Variants in SPON1 observed in about 807,000 individuals in gnomAD.
SPON1 encodes spondin 1.
In SPON1, 52 loss-of-function variants were observed where a neutral mutation model predicts 111.7. That is an observed-to-expected ratio of 0.47 (90% CI 0.37 to 0.59). SPON1 has a LOEUF of 0.59. SPON1 is among the 20% of genes least tolerant of loss of function. The probability of loss-of-function intolerance (pLI) is 0.00; values close to 1 mark genes in which losing one functional copy is unlikely to be tolerated. For synonymous variants in SPON1, 410 were observed against 395.8 expected, an observed-to-expected ratio of 1.04 and a Z score of -0.43; for missense variants, 957 against 1,068.5, an observed-to-expected ratio of 0.90 and a Z score of 1.46.
chr11:14,131,229 A>G, intron 5 of SPON1, among the ~76,000 whole-genome samples: 1 of 152,122 alleles, frequency 6.6e-6, no homozygotes, highest in East Asian at 1.9e-4. Context: ...TGTGTTCTGG[A>G]GTCAGGCAGA....
chr11:14,085,692 A>G (rs1008048668), intron 5 of SPON1, among the ~76,000 whole-genome samples: 2 of 152,166 alleles, frequency 1.3e-5, no homozygotes, highest in Admixed American at 6.5e-5. Context: ...AAGAAACTCA[A>G]TGGTAGCTTG....
chr11:13,983,459 G>A (rs782729466), intron 2 of SPON1, among the ~76,000 whole-genome samples: 1 of 152,194 alleles, frequency 6.6e-6, no homozygotes, highest in Non-Finnish European at 1.5e-5. Context: ...TTAAGAGGTG[G>A]TAATGGTCTT....
chr11:14,053,506 C>T (rs932000169), intron 3 of SPON1, among the ~76,000 whole-genome samples: 1 of 152,098 alleles, frequency 6.6e-6, no homozygotes, highest in African/African-American at 2.4e-5. Flanking sequence ...TGAATAATTC[C>T]CCATTGTATG....
chr11:14,254,779 C>CTGAG, intron 8 of SPON1, 50 bp downstream of exon 8: 1 of 1,563,822 alleles, frequency 6.4e-7, no homozygotes, highest in Non-Finnish European at 8.8e-7. Flanking sequence ...TACCCGCTTC[C>CTGAG]TGAGTGTCCT....
intron 6 of SPON1, among the ~76,000 whole-genome samples, chr11:14,145,600 CA>C (rs1554929241): frequency 3.3e-5 from 5 of 152,100 alleles, no homozygotes; most frequent in African/African-American, 4.8e-5. Context: ...TTTTTAAGTG[CA>C]CAGTTCAGGA....
intron 3 of SPON1, among the ~76,000 whole-genome samples, chr11:14,073,817 C>T (rs1239688369): frequency 6.6e-6 from 1 of 152,186 alleles, no homozygotes; most frequent in Non-Finnish European, 1.5e-5. Flanking sequence ...GAACCTCCCT[C>T]AGGCCCCTAA....
At chr11:14,264,297 T>TTGAC (rs1554942214) in intron 15 of SPON1, among the ~76,000 whole-genome samples, 1 of 152,152 alleles carries the variant, frequency 6.6e-6, no homozygotes, top group Non-Finnish European at 1.5e-5. Context: ...CAGACCTGTG[T>TTGAC]TGACTGATTT....
intron 1 of SPON1, among the ~76,000 whole-genome samples, chr11:13,978,881 T>C (rs1848123025): frequency 4.6e-5 from 7 of 152,132 alleles, no homozygotes; most frequent in Non-Finnish European, 1.0e-4. Flanking sequence ...GGGAGCATGG[T>C]TAGTGAAGCT....
chr11:14,229,373 G>A (rs1489215842), intron 6 of SPON1, among the ~76,000 whole-genome samples: 1 of 152,192 alleles, frequency 6.6e-6, no homozygotes, highest in Non-Finnish European at 1.5e-5. Context: ...GAGCATTCCA[G>A]ACAGAAGGAT....
chr11:14,045,827 G>C (rs16913550), intron 3 of SPON1, among the ~76,000 whole-genome samples: 14,831 of 151,780 alleles, frequency 0.098, 806 homozygotes, highest in Middle Eastern at 0.15. Flanking sequence ...CTTTGCTTGT[G>C]GGTGTCTAAT....
chr11:14,079,096 T>C (rs1158798485), intron 4 of SPON1, among the ~76,000 whole-genome samples: 1 of 152,230 alleles, frequency 6.6e-6, no homozygotes, highest in East Asian at 1.9e-4. Context: ...TGTTTTCATC[T>C]TGCAGGAAGC....
At chr11:14,206,256 C>T (rs553435757) in intron 6 of SPON1, among the ~76,000 whole-genome samples, 3 of 152,030 alleles carry the variant, frequency 2.0e-5, no homozygotes, top group African/African-American at 7.2e-5. Flanking sequence ...TGCAGTGGCA[C>T]GATCTTGGCT....
At chr11:14,103,146 C>T (rs1045007106) in intron 5 of SPON1, among the ~76,000 whole-genome samples, 3 of 152,122 alleles carry the variant, frequency 2.0e-5, no homozygotes, top group African/African-American at 7.2e-5. Flanking sequence ...GGCATCATGT[C>T]GCTGCTATCA....
chr11:14,216,073 T>G (rs1564932936), intron 6 of SPON1, among the ~76,000 whole-genome samples: 1 of 152,210 alleles, frequency 6.6e-6, no homozygotes. Context: ...TCAAGGTGGT[T>G]AAGAATATCA....
chr11:14,055,273 T>C (rs1554919060), intron 3 of SPON1, among the ~76,000 whole-genome samples: 1 of 152,212 alleles, frequency 6.6e-6, no homozygotes. Context: ...CGATATGTGC[T>C]ATGCTAAAAA....
At position 14,260,679 on chromosome 11, in the gene SPON1, C is replaced by T; in HGVS notation, c.1923C>T (p.Leu641=). The change falls in exon 14 of 16, where the codon CTC becomes CTT. Residue 641 remains leucine (L), a synonymous_variant. Coordinates refer to ENST00000576479, the MANE Select transcript of SPON1 (RefSeq NM_006108.4). ...GCATGCGAACCCGACAGCGGATGCT[C>T]AAGTCTCTGGCAGAACTTGGAGACT... is the stretch of plus-strand genomic sequence containing the variant. ...GKGMRTRQRM[L]KSLAELGDCN... 1 of 1,614,022 alleles carries T rather than the reference C, an allele frequency of 6.2e-7. No individual in the cohort carries two copies. Among genetic ancestry groups the T allele is most frequent in the Non-Finnish European group, 8.5e-7 (1 of 1,179,890 alleles).
At chr11:14,110,838 A>T (rs782023980) in intron 5 of SPON1, among the ~76,000 whole-genome samples, 95 of 152,248 alleles carry the variant, frequency 6.2e-4, no homozygotes, top group Non-Finnish European at 1.9e-4. Flanking sequence ...TTTATCAGCC[A>T]TCTAGGCATT....
intron 6 of SPON1, among the ~76,000 whole-genome samples, chr11:14,144,912 G>A (rs1591388113): frequency 6.6e-6 from 1 of 152,118 alleles, no homozygotes; most frequent in South Asian, 2.1e-4. Flanking sequence ...CCCCAAGGGT[G>A]CCCAACCTTA....
At chr11:14,174,780 G>C (rs1201037678) in intron 6 of SPON1, among the ~76,000 whole-genome samples, 1 of 152,118 alleles carries the variant, frequency 6.6e-6, no homozygotes, top group African/African-American at 2.4e-5. Flanking sequence ...AAATATATCT[G>C]TAGCTTGTTT....
Sources: allele counts gnomAD v4.1 joint callset (sites outside exome capture counted in the v4.1 genomes callset), GRCh38; gene constraint gnomAD v4.1.1; transcripts MANE v1.5; gene names NCBI Gene and HGNC (gene_info 2026-07-23, HGNC 2026-07-21).